Variants in CPS1 observed in about 807,000 individuals in gnomAD.
The protein encoded by CPS1 is carbamoyl-phosphate synthase 1.
CPS1 carries 109 observed loss-of-function variants against 174.6 expected under a neutral mutation model. That is an observed-to-expected ratio of 0.62 (90% CI 0.53 to 0.73). The LOEUF is 0.73. Among genes scored for constraint, CPS1 ranks in the 30% least tolerant of loss-of-function variants. CPS1 has a pLI of 0.00. For synonymous variants in CPS1, 637 were observed against 632.0 expected, an observed-to-expected ratio of 1.01 and a Z score of -0.12; for missense variants, 1,689 against 1,821.9, an observed-to-expected ratio of 0.93 and a Z score of 1.33.
chr2:210,599,827 C>T (rs555313384), intron 14 of CPS1, among the ~76,000 whole-genome samples: 10 of 151,998 alleles, frequency 6.6e-5, no homozygotes, highest in South Asian at 2.1e-4. Flanking sequence ...TCTACTCTAT[C>T]GCAGGATATT....
intron 1 of CPS1, among the ~76,000 whole-genome samples, chr2:210,548,179 T>C (rs970428917): frequency 6.6e-6 from 1 of 152,006 alleles, no homozygotes; most frequent in African/African-American, 2.4e-5. Context: ...TAATACTTTT[T>C]CTATTGTGTA....
chr2:210,592,440 C>T (rs1024779332), intron 10 of CPS1, among the ~76,000 whole-genome samples: 1 of 151,868 alleles, frequency 6.6e-6, no homozygotes, highest in South Asian at 2.1e-4. Context: ...TGTTAGTGGG[C>T]TGTTGGTCCA....
intron 1 of CPS1, among the ~76,000 whole-genome samples, chr2:210,489,165 TG>T (rs1266535288): frequency 6.6e-6 from 1 of 152,152 alleles, no homozygotes; most frequent in Non-Finnish European, 1.5e-5. Flanking sequence ...CAAACAGCCC[TG>T]AAAAAGGAAA....
At chr2:210,497,014 T>G (rs1695007822) in intron 1 of CPS1, among the ~76,000 whole-genome samples, 1 of 152,198 alleles carries the variant, frequency 6.6e-6, no homozygotes. Flanking sequence ...TTTAACTGAT[T>G]ATATCTTTCC....
intron 13 of CPS1, 121 bp from the exon 14 acceptor site, chr2:210,599,251 C>T (rs576075475): frequency 9.0e-5 from 75 of 834,030 alleles, no homozygotes; most frequent in Middle Eastern, 3.4e-4. Context: ...AGTCCTGTTA[C>T]GGATCTCTAC....
At chr2:210,558,408 G>C (rs1035055564) in intron 1 of CPS1, among the ~76,000 whole-genome samples, 1 of 151,946 alleles carries the variant, frequency 6.6e-6, no homozygotes, top group Non-Finnish European at 1.5e-5. Context: ...GAATGGGAAA[G>C]GAGAATATTC....
chr2:210,565,746 G>A (rs1449982404), intron 1 of CPS1, among the ~76,000 whole-genome samples: 1 of 152,094 alleles, frequency 6.6e-6, no homozygotes, highest in African/African-American at 2.4e-5. Flanking sequence ...GTGCTTGGTT[G>A]TTCAAATAAA....
chr2:210,535,427 G>T (rs1377672201), intron 1 of CPS1, among the ~76,000 whole-genome samples: 1 of 152,082 alleles, frequency 6.6e-6, no homozygotes, highest in Non-Finnish European at 1.5e-5. Flanking sequence ...AAAACCTCAT[G>T]ACCTCATGTT....
chr2:210,515,501 A>G (rs1476250366), intron 1 of CPS1, among the ~76,000 whole-genome samples: 1 of 151,192 alleles, frequency 6.6e-6, no homozygotes, highest in Non-Finnish European at 1.5e-5. Flanking sequence ...AGATGTGTTC[A>G]TAGTCGTCTC....
intron 1 of CPS1, among the ~76,000 whole-genome samples, chr2:210,480,109 C>T (rs1003733880): frequency 7.9e-5 from 12 of 152,104 alleles, no homozygotes; most frequent in Non-Finnish European, 1.6e-4. Flanking sequence ...TCCATGTGGC[C>T]ATTCAGGATC....
Position 210,599,332 on chromosome 2 carries a change from G to T in CPS1, c.1360-40G>T, listed in dbSNP as rs766276324. ...TTAAGTGTGGTCATTCTCTTCTTTA[G>T]ACCATATATTCATGTACTGGATTCT... On this transcript the variant is annotated intron_variant, in intron 13 of 37. Transcript: ENST00000233072. 7.0e-6 allele frequency: 11 copies of T among 1,580,458 alleles called. No homozygotes were observed. The African/African-American group carries it at 8.1e-5, about 12-fold the overall frequency.
chr2:210,549,463 A>C lies in CPS1; in HGVS notation c.4-7256A>C, dbSNP rs572896908. 9.9e-5 allele frequency among the ~76,000 whole-genome samples: 15 copies of C among 152,214 alleles called. No individual in the cohort carries two copies. In the South Asian group the frequency reaches 3.1e-3, roughly 32 times the overall value. ...GTTGTAGGCATATTTAGACCAAGTT[A>C]TAAGAAAATGCTTCAGCCAAAATTA... On this transcript the variant is annotated intron_variant, in intron 1 of 38. Coordinates refer to the CPS1 transcript ENST00000430249.
At chr2:210,511,368 C>T (rs1695487005) in intron 1 of CPS1, among the ~76,000 whole-genome samples, 1 of 151,892 alleles carries the variant, frequency 6.6e-6, no homozygotes, top group Admixed American at 6.6e-5. Context: ...ACATCACACA[C>T]TTGGGGCCTG....
chr2:210,480,805 C>T (rs895674324), intron 1 of CPS1, among the ~76,000 whole-genome samples: 1 of 152,146 alleles, frequency 6.6e-6, no homozygotes, highest in Non-Finnish European at 1.5e-5. Flanking sequence ...AAAGCAAGAG[C>T]ATCTAAGCTT....
At chr2:210,483,291 C>T (rs138987787) in intron 1 of CPS1, among the ~76,000 whole-genome samples, 2 of 152,240 alleles carry the variant, frequency 1.3e-5, no homozygotes, top group African/African-American at 4.8e-5. Flanking sequence ...AATCCACATC[C>T]CCTTCCTAAT....
At chr2:210,670,469 C>T (rs915217136) in intron 34 of CPS1, among the ~76,000 whole-genome samples, 50 of 144,962 alleles carry the variant, frequency 3.4e-4, no homozygotes, top group African/African-American at 1.2e-3. Flanking sequence ...CAACTTTTTA[C>T]CACAGCTTCA....
At chr2:210,629,987 G>A (rs1483552946) in intron 21 of CPS1, among the ~76,000 whole-genome samples, 1 of 151,686 alleles carries the variant, frequency 6.6e-6, no homozygotes, top group East Asian at 1.9e-4. Context: ...GCAGGAGAAT[G>A]GTGTGAACCT....
At chr2:210,486,982 T>TTTTA (rs35198456) in intron 1 of CPS1, among the ~76,000 whole-genome samples, 30,182 of 151,304 alleles carry the variant, frequency 0.2, 3,546 homozygotes, top group Middle Eastern at 0.32. Flanking sequence ...GACCCATGCC[T>TTTTA]TTTATTTATT....
At chr2:210,612,017 C>A in intron 19 of CPS1, 100 bp from the exon 20 acceptor site, 2 of 927,672 alleles carry the variant, frequency 2.2e-6, no homozygotes, top group Non-Finnish European at 3.1e-6. Context: ...ATTTTTTGTT[C>A]TTATTTGTTT....
Sources: gnomAD v4.1 joint callset for allele counts (sites outside exome capture counted in the v4.1 genomes callset) on GRCh38, gnomAD v4.1.1 for gene constraint, MANE v1.5 for transcripts, NCBI Gene and HGNC (gene_info 2026-07-23, HGNC 2026-07-21) for gene names.